Variants in MACROD1 observed in about 807,000 individuals in gnomAD.
MACROD1 encodes the protein ADP-ribose glycohydrolase MACROD1.
Under a neutral mutation model 41.4 loss-of-function variants are expected in MACROD1, and 31 were observed. The ratio of observed to expected loss-of-function variants is 0.75; its 90% CI spans 0.56 to 1.01. MACROD1 has a LOEUF of 1.01. Ranked by LOEUF, MACROD1 falls within the 50% of genes least tolerant of loss-of-function variation. MACROD1 has a pLI of 0.00. For synonymous variants in MACROD1, 252 were observed against 203.4 expected (o/e 1.24, Z -2.03); for missense variants, 473 against 460.0 (o/e 1.03, Z -0.26).
chr11:64,108,331 A>G (rs1440606135), intron 3 of MACROD1, among the ~76,000 whole-genome samples: 6 of 149,986 alleles, frequency 4.0e-5, no homozygotes, highest in Admixed American at 3.3e-4. Context: ...AAAAAAAAAG[A>G]CTTGAGACCC....
chr11:64,093,853 TTCCTCCATTAATACA>T (rs1162003052), intron 3 of MACROD1, among the ~76,000 whole-genome samples: 1 of 152,204 alleles, frequency 6.6e-6, no homozygotes, highest in Admixed American at 6.5e-5. Context: ...ATACCATTGA[TTCCTCCATTAATACA>T]GCCTGTGCAG....
At chr11:64,029,911 G>A (rs1205121210) in intron 3 of MACROD1, among the ~76,000 whole-genome samples, 1 of 152,186 alleles carries the variant, frequency 6.6e-6, no homozygotes, top group Non-Finnish European at 1.5e-5. Context: ...GTCTGGAAGG[G>A]ATGGGGGCAG....
At chr11:64,015,219 C>G in intron 4 of MACROD1, 33 bp downstream of exon 4, 1 of 1,573,926 alleles carries the variant, frequency 6.4e-7, no homozygotes, top group Non-Finnish European at 8.6e-7. Context: ...AGATGCCACA[C>G]CCCACCCCCA....
At chr11:64,105,270 C>T (rs1944739857) in intron 3 of MACROD1, among the ~76,000 whole-genome samples, 1 of 152,170 alleles carries the variant, frequency 6.6e-6, no homozygotes, top group Admixed American at 6.5e-5. Flanking sequence ...CCCTCTAGTC[C>T]CTAGGAGGGC....
At chr11:64,000,004 C>T (rs886773800) in intron 5 of MACROD1, 6 of 637,858 alleles carry the variant, frequency 9.4e-6, no homozygotes, top group Non-Finnish European at 1.6e-5. Flanking sequence ...CGAGTGTGGG[C>T]GCGAAGGCGT....
chr11:64,151,465 G>C, intron 2 of MACROD1, 110 bp from the exon 3 acceptor site: 1 of 747,222 alleles, frequency 1.3e-6, no homozygotes, highest in Non-Finnish European at 2.3e-6. Context: ...CCACCTCCAG[G>C]GGCAGCCTGC....
At chr11:64,049,750 G>A (rs1943655567) in intron 3 of MACROD1, among the ~76,000 whole-genome samples, 1 of 152,210 alleles carries the variant, frequency 6.6e-6, no homozygotes, top group South Asian at 2.1e-4. Context: ...GAGGGGGATC[G>A]GTTTCTCCAT....
intron 3 of MACROD1, among the ~76,000 whole-genome samples, chr11:64,133,439 T>C (rs1945292580): frequency 6.6e-6 from 1 of 152,116 alleles, no homozygotes; most frequent in East Asian, 1.9e-4. Context: ...GCACACGCAA[T>C]GTGAGAGGGC....
chr11:64,007,548 C>T (rs1055767749), intron 4 of MACROD1, among the ~76,000 whole-genome samples: 1 of 152,108 alleles, frequency 6.6e-6, no homozygotes, highest in Non-Finnish European at 1.5e-5. Context: ...GCTGCCTCTA[C>T]AGGACCTCCC....
chr11:64,136,696 C>T (rs1945337881), intron 3 of MACROD1, among the ~76,000 whole-genome samples: 1 of 152,246 alleles, frequency 6.6e-6, no homozygotes, highest in Non-Finnish European at 1.5e-5. Flanking sequence ...ACCCGGGTGG[C>T]TTCCAGGAGC....
chr11:63,998,805 C>T (rs1942760234), intron 10 of MACROD1, 33 bp downstream of exon 10: 4 of 1,492,174 alleles, frequency 2.7e-6, no homozygotes, highest in East Asian at 4.7e-5. Context: ...AGTCTAGGGC[C>T]GGGGCCGCCG....
intron 2 of MACROD1, among the ~76,000 whole-genome samples, 164 bp from the exon 3 acceptor site, chr11:64,151,519 A>G (rs1945578069): frequency 6.6e-6 from 1 of 152,202 alleles, no homozygotes; most frequent in African/African-American, 2.4e-5. Flanking sequence ...CACACTGAGG[A>G]GCACCTACTG....
rs530160406 is a variant in MACROD1, at chr11:64,085,446, C to G, written c.517+65793G>C. Among the ~76,000 whole-genome samples, 534 of 152,356 alleles carry G rather than the reference C, an allele frequency of 3.5e-3. 4 individuals are homozygous for G. The highest frequency in any genetic ancestry group is 0.011 in the African/African-American group (438 of 41,580). On this transcript the variant is annotated intron_variant, in intron 3 of 10. Coordinates refer to ENST00000255681, the MANE Select transcript of MACROD1 (RefSeq NM_014067.4). Reference sequence around the variant, plus strand: ...AGACTGGCAGGGAGGCCAGGCCCAACCACGGGGCTGCCGGGACCAGGCCAT... The same window carrying G: ...AGACTGGCAGGGAGGCCAGGCCCAAGCACGGGGCTGCCGGGACCAGGCCAT...
intron 3 of MACROD1, chr11:64,116,121 C>T: frequency 7.6e-7 from 1 of 1,307,484 alleles, no homozygotes; most frequent in Non-Finnish European, 1.0e-6. Context: ...TCGGTCACCC[C>T]TTGGTACAGG....
chr11:64,159,118 G>T (rs941947656), intron 1 of MACROD1, among the ~76,000 whole-genome samples: 1 of 151,854 alleles, frequency 6.6e-6, no homozygotes, highest in Non-Finnish European at 1.5e-5. Flanking sequence ...TCAGGAGTTC[G>T]AGACCAGCCT....
chr11:64,104,077 T>C (rs638227), intron 3 of MACROD1: 71,080 of 152,174 alleles, frequency 0.47, 17,406 homozygotes, highest in African/African-American at 0.61. Flanking sequence ...GAGCGCCATC[T>C]GAGCTCACGG....
chr11:64,019,706 G>A (rs2134347688), intron 3 of MACROD1, among the ~76,000 whole-genome samples: 1 of 152,332 alleles, frequency 6.6e-6, no homozygotes, highest in African/African-American at 2.4e-5. Flanking sequence ...CCTGGGCCTT[G>A]GAAGCTTCCA....
chr11:64,095,686 C>A (rs1199087932), intron 3 of MACROD1, among the ~76,000 whole-genome samples: 1 of 152,178 alleles, frequency 6.6e-6, no homozygotes, highest in African/African-American at 2.4e-5. Context: ...CAGCTCACAG[C>A]GGAGGTCTGA....
At position 64,109,137 on chromosome 11, in the gene MACROD1, G is replaced by A. The variant is rs560221257; in HGVS notation, c.517+42102C>T. On this transcript the variant is annotated intron_variant, in intron 3 of 10. Coordinates refer to ENST00000255681, the MANE Select transcript of MACROD1 (RefSeq NM_014067.4). ...GTGAAAGAGGAGACGTGGGAGTGAG[G>A]CCAGACAGGGATGGGGGGCTATTTC... Among the ~76,000 whole-genome samples the A allele has an allele frequency of 3.3e-5, 5 of 152,218 alleles. No homozygotes were observed. In the South Asian group the frequency reaches 1.0e-3, roughly 32 times the overall value.
Sources: allele counts gnomAD v4.1 joint callset (sites outside exome capture counted in the v4.1 genomes callset), GRCh38; gene constraint gnomAD v4.1.1; transcripts MANE v1.5; gene names NCBI Gene and HGNC (gene_info 2026-07-23, HGNC 2026-07-21).